The following TDP1 variants were observed in gnomAD, a reference collection of about 807,000 sequenced individuals.
TDP1 encodes tyr-DNA phosphodiesterase 1.
A neutral mutation model predicts 81.5 loss-of-function variants in TDP1; 64 were observed. The ratio of observed to expected loss-of-function variants is 0.79; its 90% CI spans 0.64 to 0.97. The LOEUF (loss-of-function observed/expected upper bound fraction) is 0.97. TDP1 is among the 50% of genes least tolerant of loss of function. TDP1 has a pLI of 0.00. For synonymous variants in TDP1, 256 were observed against 264.3 expected (o/e 0.97, Z 0.30); for missense variants, 723 against 743.8 (o/e 0.97, Z 0.33).
chr14:90,015,855 G>A (rs1402197251), intron 14 of TDP1, among the ~76,000 whole-genome samples: 2 of 152,096 alleles, frequency 1.3e-5, no homozygotes, highest in South Asian at 2.1e-4. Flanking sequence ...CAAACACATT[G>A]GGGGTTAGGA....
intron 8 of TDP1, chr14:89,981,539 G>A (rs1023576785): frequency 1.8e-5 from 8 of 451,826 alleles, no homozygotes; most frequent in African/African-American, 1.4e-4. Context: ...AAACTCGGAC[G>A]TTTGTCTAGC....
At chr14:90,007,648 C>T (rs1161780002) in intron 14 of TDP1, among the ~76,000 whole-genome samples, 3 of 152,020 alleles carry the variant, frequency 2.0e-5, no homozygotes, top group Non-Finnish European at 2.9e-5. Flanking sequence ...CCTTTTAAGG[C>T]AGAGTTTTGC....
chr14:90,009,706 CTG>C (rs1469840523), intron 14 of TDP1, among the ~76,000 whole-genome samples: 2 of 152,210 alleles, frequency 1.3e-5, no homozygotes, highest in Non-Finnish European at 2.9e-5. Flanking sequence ...GAAGATATGA[CTG>C]TGCATTTGTA....
At chr14:89,990,611 C>T (rs1013687616) in intron 12 of TDP1, among the ~76,000 whole-genome samples, 11 of 116,016 alleles carry the variant, frequency 9.5e-5, no homozygotes, top group Non-Finnish European at 1.9e-4. Context: ...CCCAGGGATA[C>T]AGTGGTGGTT....
intron 16 of TDP1, among the ~76,000 whole-genome samples, chr14:90,035,761 C>T (rs1267053460): frequency 8.8e-5 from 13 of 147,868 alleles, no homozygotes; most frequent in Middle Eastern, 3.4e-3. Flanking sequence ...CCCAAGTTCT[C>T]CTCCTCCCTG....
At chr14:89,965,654 G>C (rs1405084896) in intron 3 of TDP1, 2 of 371,328 alleles carry the variant, frequency 5.4e-6, no homozygotes, top group Admixed American at 1.3e-4. Context: ...AGGAATGTGA[G>C]TTGATAATTG....
chr14:89,981,440 A>G (rs1894961603), intron 8 of TDP1: 1 of 454,206 alleles, frequency 2.2e-6, no homozygotes, highest in South Asian at 1.6e-5. Flanking sequence ...ATTATGACTA[A>G]CTTTAATTTT....
chr14:90,042,535 C>T (rs1437147343), intron 16 of TDP1, among the ~76,000 whole-genome samples: 1 of 152,198 alleles, frequency 6.6e-6, no homozygotes, highest in African/African-American at 2.4e-5. Context: ...TAAAGACATA[C>T]TGGAGACTGG....
In TDP1 at chr14:90,026,965, G is replaced by T. The variant is rs555142058; in HGVS notation, c.1645-6141G>T. Among the ~76,000 whole-genome samples the T allele has an allele frequency of 3.8e-4, 58 of 152,294 alleles. 2 individuals are homozygous for T. In the South Asian group the frequency reaches 1.0e-2, roughly 26 times the overall value. On this transcript the variant is annotated intron_variant, in intron 15 of 16. Coordinates refer to ENST00000335725, the MANE Select transcript of TDP1 (RefSeq NM_018319.4). ...AGCAGCATGATTTACAATCCTTTGG[G>T]TATATACCCAGTAATGGGTTGGCTG...
chr14:89,979,102 A>T (rs1186049018), intron 7 of TDP1, among the ~76,000 whole-genome samples: 1 of 152,204 alleles, frequency 6.6e-6, no homozygotes, highest in Admixed American at 6.5e-5. Context: ...TTTTGGCCTC[A>T]ATAGAAATGA....
chr14:90,029,229 G>C (rs142298702), intron 15 of TDP1, among the ~76,000 whole-genome samples: 7 of 135,556 alleles, frequency 5.2e-5, no homozygotes, highest in African/African-American at 2.0e-4. Context: ...ACAGAGTCTC[G>C]CTTTGTCACC....
At position 89,994,588 on chromosome 14, in the gene TDP1, C is replaced by T. The variant is rs1019154883; in HGVS notation, c.1541+1105C>T. On this transcript the variant is annotated intron_variant, in intron 14 of 16. Transcript: ENST00000335725. The stretch of plus-strand genomic sequence containing the variant: ...TTCTAAAGGCAAAGTTTTTGTAGTT[C>T]AGTTCAATGGCAGTGTGTGCTTGAC... Among the ~76,000 whole-genome samples, 6 of 152,298 alleles carry T rather than the reference C, an allele frequency of 3.9e-5. No individual in the cohort carries two copies. In the South Asian group the frequency reaches 1.2e-3, roughly 32 times the overall value.
chr14:89,989,455 ATAAT>A (rs1263535010), intron 11 of TDP1: 42 of 979,090 alleles, frequency 4.3e-5, no homozygotes, highest in African/African-American at 5.3e-5. Flanking sequence ...CTGTGAATTA[ATAAT>A]TAATTTTCCA....
chr14:89,974,215 G>T (rs1162533068), intron 6 of TDP1, among the ~76,000 whole-genome samples: 1 of 152,132 alleles, frequency 6.6e-6, no homozygotes, highest in African/African-American at 2.4e-5. Flanking sequence ...AGGACTTGGT[G>T]CACTAGCCCA....
intron 2 of TDP1, among the ~76,000 whole-genome samples, chr14:89,960,051 T>C (rs1434411340): frequency 2.0e-5 from 3 of 152,186 alleles, no homozygotes; most frequent in African/African-American, 4.8e-5. Flanking sequence ...AAGATTCTAT[T>C]ACTCACCGCC....
At chr14:89,997,029 A>G (rs944544811) in intron 14 of TDP1, among the ~76,000 whole-genome samples, 1 of 152,256 alleles carries the variant, frequency 6.6e-6, no homozygotes, top group Non-Finnish European at 1.5e-5. Context: ...GATTTACCAA[A>G]GAATTCATTG....
rs969925756 is a variant in TDP1 at position 89,994,979 on chromosome 14, AC to A, written c.1541+1497del. 5.9e-4 allele frequency among the ~76,000 whole-genome samples: 90 copies of A among 152,346 alleles called. 1 individual carries two copies. Among genetic ancestry groups the A allele is most frequent in the African/African-American group, 2.0e-3 (85 of 41,566 alleles). Reference sequence around the variant, plus strand: ...GTATTTTCTAAAGTTAAGTCAAAAAACATCCACTGTCAGTTTACTCATTTAA... The same window carrying A: ...GTATTTTCTAAAGTTAAGTCAAAAAAATCCACTGTCAGTTTACTCATTTAA... On this transcript the variant is annotated intron_variant, in intron 14 of 16. Transcript: ENST00000335725.
intron 14 of TDP1, among the ~76,000 whole-genome samples, chr14:90,003,636 A>C (rs1310594934): frequency 6.6e-6 from 1 of 152,206 alleles, no homozygotes; most frequent in Non-Finnish European, 1.5e-5. Flanking sequence ...AACAGTTACG[A>C]AAGTTGTGTA....
At chr14:89,974,012 T>C (rs1893974749) in intron 6 of TDP1, among the ~76,000 whole-genome samples, 2 of 152,168 alleles carry the variant, frequency 1.3e-5, no homozygotes, top group South Asian at 4.1e-4. Context: ...TGACCTCATT[T>C]AACCTTAATT....
Sources: allele counts gnomAD v4.1 joint callset (sites outside exome capture counted in the v4.1 genomes callset), GRCh38; gene constraint gnomAD v4.1.1; transcripts MANE v1.5; gene names NCBI Gene and HGNC (gene_info 2026-07-23, HGNC 2026-07-21).